RAPGEF1: variants seen among roughly 807,000 people sequenced by gnomAD.
The protein encoded by RAPGEF1 is Rap guanine nucleotide exchange factor 1.
Under a neutral mutation model 143.3 loss-of-function variants are expected in RAPGEF1, and 33 were observed. The ratio of observed to expected loss-of-function variants is 0.23; its 90% CI spans 0.17 to 0.31. The LOEUF (loss-of-function observed/expected upper bound fraction) is 0.31, where lower values mean the gene tolerates loss of function less well. RAPGEF1 is among the 10% of genes least tolerant of loss of function. The pLI is 1.00. For missense variants in RAPGEF1, 1,199 were observed against 1,645.4 expected (o/e 0.73, Z 4.69); for synonymous variants, 629 against 676.5 (o/e 0.93, Z 1.09).
chr9:131,625,455 G>A (rs531294056), intron 10 of RAPGEF1, among the ~76,000 whole-genome samples: 3 of 152,278 alleles, frequency 2.0e-5, no homozygotes, highest in Non-Finnish European at 4.4e-5. Context: ...CAGCTTCCAA[G>A]TCATTCTGGG....
At chr9:131,711,515 C>T (rs898500860) in intron 1 of RAPGEF1, among the ~76,000 whole-genome samples, 1 of 152,032 alleles carries the variant, frequency 6.6e-6, no homozygotes, top group Non-Finnish European at 1.5e-5. Flanking sequence ...CGCCACCACA[C>T]CCAGCTAATT....
intron 14 of RAPGEF1, among the ~76,000 whole-genome samples, chr9:131,603,666 A>G (rs1286862123): frequency 6.6e-6 from 1 of 152,166 alleles, no homozygotes; most frequent in Non-Finnish European, 1.5e-5. Flanking sequence ...CACTAGATAC[A>G]CAGCCGGGGC....
intron 3 of RAPGEF1, among the ~76,000 whole-genome samples, chr9:131,649,157 C>G (rs952783607): frequency 6.6e-6 from 1 of 151,236 alleles, no homozygotes; most frequent in African/African-American, 2.4e-5. Flanking sequence ...CTCAGCCTCC[C>G]AAGCAGCTGG....
intron 1 of RAPGEF1, among the ~76,000 whole-genome samples, chr9:131,691,639 T>A (rs1473464909): frequency 1.3e-5 from 2 of 152,196 alleles, no homozygotes; most frequent in Non-Finnish European, 2.9e-5. Context: ...ATGGAAAGGA[T>A]GGAAAGGACT....
chr9:131,598,531 G>A lies in RAPGEF1; in HGVS notation c.2502-221C>T, dbSNP rs570275491. 59 of 683,894 alleles carry A rather than the reference G, an allele frequency of 8.6e-5. 4 individuals are homozygous for A. The highest frequency in any genetic ancestry group is 7.5e-4 in the South Asian group (50 of 66,626). 42.4% of individuals were successfully genotyped at this position (683,894 alleles called of 1,614,324 possible). A position where few individuals can be genotyped will look rare whatever the true frequency, so the allele number is the denominator to read the frequency against. On this transcript the variant is annotated intron_variant, in intron 15 of 26. Transcript: ENST00000683357. ...GCCTCTGGATGTTCCATCTGTACAC[G>A]GAAGTGATTCCGCTGGGAAAATAAA...
In RAPGEF1 at chr9:131,621,761, CG is replaced by C. The variant is rs761378285; in HGVS notation, c.1905+34del. 2.6e-6 allele frequency: 4 copies of C among 1,561,740 alleles called. No individual in the cohort carries two copies. The highest frequency in any genetic ancestry group is 1.9e-5 in the Admixed American group (1 of 53,614). On this transcript the variant is annotated intron_variant, in intron 11 of 26. Coordinates refer to ENST00000683357, the MANE Select transcript of RAPGEF1 (RefSeq NM_001377935.1). The surrounding 1 kb of genome is among the most constrained non-coding windows in gnomAD (Gnocchi z 4.5). ...CTGGTTCCTAGAGACCTGCTAGGAT[CG>C]GAAGTTCTAGTCACAAGGGAAGGTG...
chr9:131,589,712 A>T (rs1953861886), intron 19 of RAPGEF1, among the ~76,000 whole-genome samples, 174 bp downstream of exon 19: 1 of 152,144 alleles, frequency 6.6e-6, no homozygotes. Context: ...TGCAGGGTGG[A>T]GAGACACCTC....
At position 131,610,358 on chromosome 9, in the gene RAPGEF1, C is replaced by T. The variant is rs1486592019; in HGVS notation, c.2062-5170G>A. 1.1e-4 allele frequency among the ~76,000 whole-genome samples: 16 copies of T among 152,198 alleles called. 1 individual carries two copies. The highest frequency in any genetic ancestry group is 7.9e-4 in the Admixed American group (12 of 15,282). On this transcript the variant is annotated intron_variant, in intron 12 of 26. Coordinates refer to ENST00000683357, the MANE Select transcript of RAPGEF1 (RefSeq NM_001377935.1). ...TGAGGAACCTTGATCAGAATGGTTG[C>T]TCCACAGTGACTTGAGCTCCAAGCC...
In RAPGEF1 at chr9:131,629,236, C is replaced by G. The variant is rs781242779; in HGVS notation, c.759G>C (p.Leu253=). 33 of 1,613,682 alleles carry G rather than the reference C, an allele frequency of 2.0e-5. No homozygotes were observed. Among genetic ancestry groups the G allele is most frequent in the Non-Finnish European group, 2.7e-5 (32 of 1,179,792 alleles). ...SKPDGPAELP[L]TDREVEILNK... is the part of the protein sequence containing the mutation. ...TTAGGATCTCTACCTCGCGGTCTGT[C>G]AGGGGGAGCTCTGCTGGGCTGGAGA... The change falls in exon 7 of 27, where the codon CTG becomes CTC. Residue 253 remains leucine, a synonymous_variant. Transcript: ENST00000683357.
In RAPGEF1 at chr9:131,655,450, G is replaced by A. The variant is rs186519698; in HGVS notation, c.62-4501C>T. 6.6e-6 allele frequency among the ~76,000 whole-genome samples: 1 copy of A among 152,344 alleles called. No homozygotes were observed. The highest frequency in any genetic ancestry group is 2.4e-5 in the African/African-American group (1 of 41,572). ...CATCCCTCGCATTCAAATGAACTGG[G>A]ATGGTGTGACTTCTCCCGCTCCCCT... On this transcript the variant is annotated intron_variant, in intron 1 of 26. Coordinates refer to ENST00000683357, the MANE Select transcript of RAPGEF1 (RefSeq NM_001377935.1). This position sits in a 1 kb window ranked among gnomAD's most constrained non-coding sequence, Gnocchi z 4.1.
At chr9:131,651,394 G>A (rs1353742812) in intron 1 of RAPGEF1, among the ~76,000 whole-genome samples, 3 of 152,146 alleles carry the variant, frequency 2.0e-5, no homozygotes, top group Admixed American at 6.5e-5. Flanking sequence ...AGTTGGCAGC[G>A]GTGACTGAAT....
In RAPGEF1 at chr9:131,602,124, T is replaced by C; in HGVS notation, c.2438A>G (p.His813Arg). The C allele has an allele frequency of 2.5e-6, 4 of 1,598,274 alleles. No homozygotes were observed. Among genetic ancestry groups the C allele is most frequent in the Admixed American group, 1.7e-5 (1 of 57,704 alleles). Residue 813 changes from histidine (H) to arginine (R), a missense_variant, in exon 15 of 27, where the codon CAT becomes CGT. Physicochemically the swap from His to Arg is conservative, Grantham distance 29 (BLOSUM62 0). This residue lies in a region of RAPGEF1 where 293 missense variants were observed against 356.2 expected (regional missense o/e 0.82). Coordinates refer to ENST00000683357, the MANE Select transcript of RAPGEF1 (RefSeq NM_001377935.1). ...GCTGACCGCTGAGGGATCTCTGGGA[T>C]GTCCGTCTTTCCCAGCCGGTGGCTC... ...RGEPPAGKDG[H>R]PRDPSAVSGV...
chr9:131,646,225 C>T lies in RAPGEF1; in HGVS notation c.316-2808G>A, dbSNP rs188397995. ...GTGGGGAAACTGAGGCTTAGTGGGA[C>T]GTGGGGGAGGTTAAGCAACTTGCCT... is the stretch of plus-strand genomic sequence containing the variant. On this transcript the variant is annotated intron_variant, in intron 3 of 26. Coordinates refer to ENST00000683357, the MANE Select transcript of RAPGEF1 (RefSeq NM_001377935.1). Among the ~76,000 whole-genome samples the T allele has an allele frequency of 3.9e-5, 6 of 152,128 alleles. No individual in the cohort carries two copies. In the East Asian group the frequency reaches 7.7e-4, roughly 20 times the overall value.
chr9:131,635,738 G>A (rs1045930783), intron 5 of RAPGEF1, among the ~76,000 whole-genome samples: 1 of 152,038 alleles, frequency 6.6e-6, no homozygotes, highest in African/African-American at 2.4e-5. Context: ...CACAGGAGCC[G>A]GGGAGGGGGC....
At chr9:131,591,650 G>A (rs1160174363) in intron 18 of RAPGEF1, among the ~76,000 whole-genome samples, 3 of 152,218 alleles carry the variant, frequency 2.0e-5, no homozygotes, top group Non-Finnish European at 4.4e-5. Flanking sequence ...TGACCCCTGA[G>A]CTGTCTATTT....
chr9:131,636,082 C>A (rs1469706094), intron 5 of RAPGEF1, among the ~76,000 whole-genome samples: 1 of 152,184 alleles, frequency 6.6e-6, no homozygotes, highest in Non-Finnish European at 1.5e-5. Context: ...CTCTGACCAC[C>A]CTGAGAAAGG....
Position 131,644,975 on chromosome 9 carries a change from T to C in RAPGEF1, c.316-1558A>G, listed in dbSNP as rs7035130. ...CTTTCATTGAGTCTTTCCCACAAGGTGTCCTGCAGACTAGAAGACACAATT... is the reference window on the plus strand; with the variant it reads ...CTTTCATTGAGTCTTTCCCACAAGGCGTCCTGCAGACTAGAAGACACAATT... On this transcript the variant is annotated intron_variant, in intron 3 of 26. Coordinates refer to ENST00000683357, the MANE Select transcript of RAPGEF1 (RefSeq NM_001377935.1). Among the ~76,000 whole-genome samples, 413 of 152,330 alleles carry C rather than the reference T, an allele frequency of 2.7e-3. 1 individual carries two copies. The highest frequency in any genetic ancestry group is 9.5e-3 in the African/African-American group (395 of 41,564).
chr9:131,640,601 ACT>A (rs34535218), intron 4 of RAPGEF1, among the ~76,000 whole-genome samples: 33,707 of 151,824 alleles, frequency 0.22, 4,535 homozygotes, highest in Non-Finnish European at 0.3. Context: ...GACGAGTGTG[ACT>A]CTCGCTCTCA....
Position 131,628,481 on chromosome 9 carries a change from A to G in RAPGEF1, c.1017+68T>C. The G allele has an allele frequency of 1.3e-6, 2 of 1,576,710 alleles. No individual in the cohort carries two copies. Among genetic ancestry groups the G allele is most frequent in the South Asian group, 1.1e-5 (1 of 88,190 alleles). On this transcript the variant is annotated intron_variant, in intron 8 of 26. Coordinates refer to ENST00000683357, the MANE Select transcript of RAPGEF1 (RefSeq NM_001377935.1). This position sits in a 1 kb window ranked among gnomAD's most constrained non-coding sequence, Gnocchi z 5.7. ...AAGACCATGGGTTTCTTTCAGCTTC[A>G]GGAGCCACATCCCTGAGCCCCCCAC...
Sources: allele counts gnomAD v4.1 joint callset (sites outside exome capture counted in the v4.1 genomes callset), GRCh38; gene constraint gnomAD v4.1.1; regional missense constraint gnomAD v4.1.1; non-coding constraint Gnocchi (gnomAD v3.1); transcripts MANE v1.5; gene names NCBI Gene and HGNC (gene_info 2026-07-23, HGNC 2026-07-21).